ARRB1: variants seen among roughly 807,000 people sequenced by gnomAD.
The protein encoded by ARRB1 is beta-arrestin-1.
ARRB1 carries 21 observed loss-of-function variants against 56.8 expected under a neutral mutation model. The observed-to-expected ratio is 0.37, with a 90% CI of 0.26 to 0.53. ARRB1 has a LOEUF of 0.53. Among genes scored for constraint, ARRB1 ranks in the 20% least tolerant of loss-of-function variants. The pLI, the probability that ARRB1 is intolerant of heterozygous loss-of-function variation, is 0.88. For missense variants in ARRB1, 424 were observed against 553.7 expected, an observed-to-expected ratio of 0.77 and a Z score of 2.35; for synonymous variants, 210 against 218.6, an observed-to-expected ratio of 0.96 and a Z score of 0.35.
intron 1 of ARRB1, among the ~76,000 whole-genome samples, chr11:75,316,318 C>T (rs1947263856): frequency 1.4e-5 from 2 of 146,096 alleles, no homozygotes; most frequent in South Asian, 4.2e-4. Context: ...CAGAGTGAGA[C>T]TCTGTCAAAA....
chr11:75,278,891 G>A, intron 7 of ARRB1, 147 bp from the exon 8 acceptor site: 1 of 1,175,246 alleles, frequency 8.5e-7, no homozygotes, highest in Non-Finnish European at 1.2e-6. Context: ...GATCAGCATA[G>A]GGGTCTGTCA....
chr11:75,278,550 T>C, intron 8 of ARRB1, 59 bp downstream of exon 8: 2 of 1,609,766 alleles, frequency 1.2e-6, no homozygotes, highest in Non-Finnish European at 1.7e-6. Flanking sequence ...AGAGCTGGGA[T>C]CTGAGGCCCA....
At chr11:75,339,205 T>C (rs1243095235) in intron 1 of ARRB1, among the ~76,000 whole-genome samples, 1 of 152,200 alleles carries the variant, frequency 6.6e-6, no homozygotes, top group Non-Finnish European at 1.5e-5. Flanking sequence ...GGAAGAGCCA[T>C]CAGATCTCTG....
At position 75,263,190 on chromosome 11, in the gene ARRB1, G is replaced by A; in HGVS notation, c.*2973C>T. Among the ~76,000 whole-genome samples the A allele has an allele frequency of 6.6e-6, 1 of 152,164 alleles. No individual in the cohort carries two copies. ...TCCCCCACCCCTAGTTTCACTTCAA[G>A]GTATCACCTGGGCAGGCTGACTCCA... On this transcript the variant is annotated 3_prime_UTR_variant, in exon 16 of 16. Coordinates refer to ENST00000420843, the MANE Select transcript of ARRB1 (RefSeq NM_004041.5).
intron 1 of ARRB1, among the ~76,000 whole-genome samples, chr11:75,309,996 C>T (rs553968444): frequency 5.9e-5 from 9 of 152,210 alleles, no homozygotes; most frequent in South Asian, 4.2e-4. Flanking sequence ...GTAAGAAGCC[C>T]GCAGGAGGAA....
In ARRB1 at chr11:75,287,453, C is replaced by T. The variant is rs946813692; in HGVS notation, c.52-78G>A. ...GGACCCTGTCTTGGAGGAAACCCTG[C>T]GGGCAGCCTCTGAAACTCCAGACCC... On this transcript the variant is annotated intron_variant, in intron 2 of 15. Coordinates refer to ENST00000420843, the MANE Select transcript of ARRB1 (RefSeq NM_004041.5). 99 of 1,443,794 alleles carry T rather than the reference C, an allele frequency of 6.9e-5. No individual in the cohort carries two copies. The African/African-American group carries it at 1.3e-3, about 19-fold the overall frequency. The allele number at this position is 1,443,794 out of a possible 1,614,324, so 89.4% of individuals were successfully genotyped here.
rs962764024 is a variant in ARRB1, at chr11:75,280,989, A to G, written c.482+86T>C. 3 of 1,435,684 alleles carry G rather than the reference A, an allele frequency of 2.1e-6. No individual in the cohort carries two copies. In the African/African-American group the frequency reaches 4.2e-5, roughly 20 times the overall value. 88.9% of individuals were successfully genotyped at this position (1,435,684 alleles called of 1,614,324 possible). ...CGCCCCTCCTCACACACTTCCAGGT[A>G]TTGTTACTTATCTCCTCTTGGACTT... On this transcript the variant is annotated intron_variant, in intron 7 of 15. Coordinates refer to ENST00000420843, the MANE Select transcript of ARRB1 (RefSeq NM_004041.5).
intron 1 of ARRB1, among the ~76,000 whole-genome samples, chr11:75,324,153 T>C (rs924460775): frequency 1.3e-5 from 2 of 152,190 alleles, no homozygotes; most frequent in East Asian, 1.9e-4. Flanking sequence ...GAGGGTTTTG[T>C]TGTTGCTTAA....
At chr11:75,317,402 T>G (rs1455972065) in intron 1 of ARRB1, among the ~76,000 whole-genome samples, 1 of 152,124 alleles carries the variant, frequency 6.6e-6, no homozygotes, top group Non-Finnish European at 1.5e-5. Context: ...ATAGCAGTGC[T>G]GCTGCCTCCC....
At position 75,261,206 on chromosome 11, in the gene ARRB1, G is replaced by GTGTGTGTA. The variant is rs1555149831; in HGVS notation, c.*4956_*4957insTACACACA. On this transcript the variant is annotated 3_prime_UTR_variant, in exon 16 of 16. Coordinates refer to ENST00000420843, the MANE Select transcript of ARRB1 (RefSeq NM_004041.5). The stretch of plus-strand genomic sequence containing the variant: ...CGTGTGTGTGTGTGTGTGTGTGTGT[G>GTGTGTGTA]TGTGTGTGTGTGTGTATAAATGCTT... 132 of 152,142 alleles carry GTGTGTGTA rather than the reference G, an allele frequency of 8.7e-4. 1 individual carries two copies. Among genetic ancestry groups the GTGTGTGTA allele is most frequent in the African/African-American group, 3.1e-3 (127 of 41,278 alleles). 9.4% of individuals were successfully genotyped at this position (152,142 alleles called of 1,614,324 possible). A position where few individuals can be genotyped will look rare whatever the true frequency, so the allele number is the denominator to read the frequency against.
chr11:75,340,886 G>A (rs535328337), intron 1 of ARRB1, among the ~76,000 whole-genome samples: 1 of 152,252 alleles, frequency 6.6e-6, no homozygotes, highest in African/African-American at 2.4e-5. Flanking sequence ...TGGGTGAGGG[G>A]CCAGAGGGGA....
Position 75,296,794 on chromosome 11 carries a change from C to T in ARRB1, c.21-6755G>A, listed in dbSNP as rs1033060201. Among the ~76,000 whole-genome samples, 4 of 152,242 alleles carry T rather than the reference C, an allele frequency of 2.6e-5. No homozygotes were observed. In the South Asian group the frequency reaches 8.3e-4, roughly 32 times the overall value. On this transcript the variant is annotated intron_variant, in intron 1 of 15. Transcript: ENST00000420843. ...CCAGGCTCAAGCGATTCTCCTGCCTCAGCCTCCCAAGTAGCTGGGATTACT... is the reference window on the plus strand; with the variant it reads ...CCAGGCTCAAGCGATTCTCCTGCCTTAGCCTCCCAAGTAGCTGGGATTACT...
Position 75,351,603 on chromosome 11 carries a change from C to T in ARRB1, c.5G>A (p.Gly2Asp), listed in dbSNP as rs1319928461. The T allele has an allele frequency of 2.7e-6, 4 of 1,459,794 alleles. No individual in the cohort carries two copies. Among genetic ancestry groups the T allele is most frequent in the Non-Finnish European group, 3.6e-6 (4 of 1,109,876 alleles). The allele number at this position is 1,459,794 out of a possible 1,614,324, so 90.4% of individuals were successfully genotyped here. A position where few individuals can be genotyped will look rare whatever the true frequency, so the allele number is the denominator to read the frequency against. ...CTGCACTCACCGGGTCCCTTTGTCG[C>T]CCATGGTCCGCGACGGTCGCAGGGA... M[G>D]DKGTRVFKKA... Residue 2 changes from glycine (G) to aspartate (D), a missense_variant, in exon 1 of 16, where the codon GGC becomes GAC. Transcript: ENST00000420843.
At chr11:75,267,836 T>TG (rs1471310963) in intron 14 of ARRB1, 133 bp from the exon 15 acceptor site, 1 of 747,618 alleles carries the variant, frequency 1.3e-6, no homozygotes, top group African/African-American at 1.7e-5. Context: ...GGAATGGAGA[T>TG]GGGGGAGGAC....
At chr11:75,351,325 C>T (rs1001251722) in intron 1 of ARRB1, among the ~76,000 whole-genome samples, 1 of 152,224 alleles carries the variant, frequency 6.6e-6, no homozygotes, top group African/African-American at 2.4e-5. Context: ...TCTGCGGCTG[C>T]CGGCCAATGC....
At chr11:75,333,717 C>G (rs1253097228) in intron 1 of ARRB1, among the ~76,000 whole-genome samples, 2 of 152,194 alleles carry the variant, frequency 1.3e-5, no homozygotes, top group Admixed American at 1.3e-4. Flanking sequence ...GTAACCGTCT[C>G]TAGGTCACAG....
intron 1 of ARRB1, among the ~76,000 whole-genome samples, chr11:75,314,592 C>T (rs1422725936): frequency 3.3e-5 from 5 of 151,916 alleles, no homozygotes; most frequent in African/African-American, 7.3e-5. Flanking sequence ...CTCTGACTCT[C>T]GTCTCTAACA....
intron 1 of ARRB1, among the ~76,000 whole-genome samples, chr11:75,314,510 T>C (rs1303061196): frequency 6.6e-6 from 1 of 152,164 alleles, no homozygotes; most frequent in Non-Finnish European, 1.5e-5. Flanking sequence ...CCCCAGAGTG[T>C]CACTCTGGGA....
rs1945775045 is a variant in ARRB1, at chr11:75,260,997, A to C, written c.*5166T>G. 1.3e-5 allele frequency: 2 copies of C among 152,290 alleles called. No individual in the cohort carries two copies. The highest frequency in any genetic ancestry group is 4.8e-5 in the African/African-American group (2 of 41,382). 9.4% of individuals were successfully genotyped at this position (152,290 alleles called of 1,614,324 possible). On this transcript the variant is annotated 3_prime_UTR_variant, in exon 16 of 16. Transcript: ENST00000420843. Reference sequence around the variant, plus strand: ...CTAGGCCAGGAAAGTGGGGTGCCAGATAGGGGTGCAGACACAAGTCCTCAG... The same window carrying C: ...CTAGGCCAGGAAAGTGGGGTGCCAGCTAGGGGTGCAGACACAAGTCCTCAG...
Sources: allele counts gnomAD v4.1 joint callset (sites outside exome capture counted in the v4.1 genomes callset), GRCh38; gene constraint gnomAD v4.1.1; transcripts MANE v1.5; gene names NCBI Gene and HGNC (gene_info 2026-07-23, HGNC 2026-07-21).